The following DAB1 variants were observed in gnomAD, a reference collection of about 807,000 sequenced individuals.
The protein encoded by DAB1 is disabled homolog 1.
DAB1 carries 15 observed loss-of-function variants against 64.6 expected under a neutral mutation model. The ratio of observed to expected loss-of-function variants is 0.23; its 90% CI spans 0.16 to 0.36. The LOEUF (loss-of-function observed/expected upper bound fraction) is 0.36, where lower values mean the gene tolerates loss of function less well. Among genes scored for constraint, DAB1 ranks in the 10% least tolerant of loss-of-function variants. DAB1 has a pLI of 1.00. For synonymous variants in DAB1, 235 were observed against 251.9 expected, an observed-to-expected ratio of 0.93 and a Z score of 0.64; for missense variants, 596 against 706.7, an observed-to-expected ratio of 0.84 and a Z score of 1.78.
At chr1:57,560,821 T>C (rs1180264005) in intron 7 of DAB1, among the ~76,000 whole-genome samples, 1 of 152,248 alleles carries the variant, frequency 6.6e-6, no homozygotes, top group Non-Finnish European at 1.5e-5. Flanking sequence ...TCTAGGATTT[T>C]GGAGCAAGGC....
intron 6 of DAB1, among the ~76,000 whole-genome samples, chr1:57,683,147 A>G (rs956751113): frequency 6.6e-6 from 1 of 152,156 alleles, no homozygotes; most frequent in Non-Finnish European, 1.5e-5. Context: ...GCAGAGGAGG[A>G]GCCCCTACTC....
intron 7 of DAB1, among the ~76,000 whole-genome samples, chr1:57,451,451 T>A (rs866779761): frequency 3.9e-5 from 6 of 152,228 alleles, no homozygotes; most frequent in Middle Eastern, 3.2e-3. Context: ...TTTTATTTTT[T>A]AAAATTACCT....
At chr1:57,287,620 T>C (rs17115509) in intron 2 of DAB1, among the ~76,000 whole-genome samples, 2,421 of 152,290 alleles carry the variant, frequency 0.016, 57 homozygotes, top group African/African-American at 0.056. Context: ...GACATGGTTA[T>C]ATTCAAAATT....
At chr1:58,025,645 ATGTG>A (rs1208743202) in intron 5 of DAB1, among the ~76,000 whole-genome samples, 2 of 79,304 alleles carry the variant, frequency 2.5e-5, no homozygotes, top group African/African-American at 4.1e-5. Flanking sequence ...TTATATATAT[ATGTG>A]TGTATATATA....
intron 5 of DAB1, among the ~76,000 whole-genome samples, chr1:57,939,419 T>A (rs1163420962): frequency 6.6e-6 from 1 of 152,194 alleles, no homozygotes; most frequent in Non-Finnish European, 1.5e-5. Flanking sequence ...GAGCTAGATG[T>A]ATATTTAGGT....
At chr1:57,760,030 G>A (rs543268536) in intron 6 of DAB1, among the ~76,000 whole-genome samples, 1 of 152,210 alleles carries the variant, frequency 6.6e-6, no homozygotes, top group African/African-American at 2.4e-5. Flanking sequence ...AATAGAAGAG[G>A]AACGGAAGGA....
chr1:57,423,402 G>A (rs1017260253), intron 1 of DAB1, among the ~76,000 whole-genome samples: 2 of 152,034 alleles, frequency 1.3e-5, no homozygotes, highest in African/African-American at 4.8e-5. Flanking sequence ...GGATAGAGTC[G>A]GTTTTTCGAG....
At chr1:57,984,246 AAGAAAGAAAGAAAG>A (rs1044457712) in intron 5 of DAB1, among the ~76,000 whole-genome samples, 2 of 149,206 alleles carry the variant, frequency 1.3e-5, no homozygotes, top group African/African-American at 5.0e-5. Flanking sequence ...GAAAGAAAGA[AAGAAAGAAAGAAAG>A]AAAAAAAATT....
At chr1:57,313,806 G>A (rs1674946339) in intron 1 of DAB1, among the ~76,000 whole-genome samples, 2 of 152,168 alleles carry the variant, frequency 1.3e-5, no homozygotes, top group South Asian at 4.1e-4. Context: ...TCCCTAGGAT[G>A]ATGGAATTTG....
At chr1:57,989,351 A>G (rs377173603) in intron 5 of DAB1, among the ~76,000 whole-genome samples, 1 of 152,154 alleles carries the variant, frequency 6.6e-6, no homozygotes, top group Non-Finnish European at 1.5e-5. Context: ...AACACATGAA[A>G]TACTCACATT....
intron 5 of DAB1, among the ~76,000 whole-genome samples, chr1:57,998,389 C>CTTTT (rs3991037): frequency 7.8e-6 from 1 of 128,800 alleles, no homozygotes; most frequent in Non-Finnish European, 1.6e-5. Flanking sequence ...TTTTTTCTCT[C>CTTTT]TTTTTTTTTT....
At chr1:57,055,108 C>A (rs1332242127) in intron 9 of DAB1, among the ~76,000 whole-genome samples, 1 of 152,218 alleles carries the variant, frequency 6.6e-6, no homozygotes, top group East Asian at 1.9e-4. Flanking sequence ...AGCATTTATG[C>A]TGTTGGATTT....
At chr1:57,596,598 G>T (rs1645513145) in intron 7 of DAB1, among the ~76,000 whole-genome samples, 1 of 151,876 alleles carries the variant, frequency 6.6e-6, no homozygotes, top group South Asian at 2.1e-4. Context: ...ACTGGGATGT[G>T]GTCTGTCTTC....
chr1:57,189,747 G>T lies in DAB1; in HGVS notation c.68-44318C>A, dbSNP rs184337356. Among the ~76,000 whole-genome samples the T allele has an allele frequency of 1.9e-3, 288 of 151,826 alleles. 1 individual carries two copies. The highest frequency in any genetic ancestry group is 3.3e-3 in the Non-Finnish European group (226 of 67,966). On this transcript the variant is annotated intron_variant, in intron 2 of 14. Coordinates refer to ENST00000371236, the MANE Select transcript of DAB1 (RefSeq NM_001365792.1). ...AGGCCTTCCAAGGAGGTAAACAGGA[G>T]CATCCATTAAAAAGACAGGCAGGCT... is the stretch of plus-strand genomic sequence containing the variant.
chr1:58,145,042 T>C (rs1243433427), intron 5 of DAB1, among the ~76,000 whole-genome samples: 3 of 152,230 alleles, frequency 2.0e-5, no homozygotes, highest in Non-Finnish European at 4.4e-5. Flanking sequence ...GGGCTGCAGA[T>C]GGGTCTGTGT....
Position 57,570,558 on chromosome 1 carries a change from G to T in DAB1, n.625+79034C>A, listed in dbSNP as rs184463290. Among the ~76,000 whole-genome samples the T allele has an allele frequency of 1.3e-4, 20 of 152,190 alleles. No homozygotes were observed. In the East Asian group the frequency reaches 2.9e-3, roughly 22 times the overall value. ...ATGCCTATTTTTATACCAGTACCAT[G>T]CTGTTTTGGTGACTATTGCCTTACA... On this transcript the variant is annotated intron_variant and non_coding_transcript_variant, in intron 7 of 20. Transcript: ENST00000485760.
chr1:57,290,937 T>C, intron 2 of DAB1, 27 bp downstream of exon 2: 2 of 1,566,638 alleles, frequency 1.3e-6, no homozygotes, highest in African/African-American at 1.4e-5. Flanking sequence ...AAAGTAGCCA[T>C]TAAAAAAAGG....
At chr1:58,074,564 G>GTATATATATATATATA (rs375821412) in intron 5 of DAB1, 103 of 91,606 alleles carry the variant, frequency 1.1e-3, no homozygotes, top group African/African-American at 3.8e-3. Flanking sequence ...ATATATGTGT[G>GTATATATATATATATA]TATATATATA....
rs1467850163 is a variant in DAB1, at chr1:57,015,177, G to A, written c.1150C>T (p.Leu384Phe). The change falls in exon 12 of 15, where the codon CTC becomes TTC. Residue 384 changes from leucine (L) to phenylalanine (F), a missense_variant. Around this residue, in one of 3 missense-constraint regions of DAB1, gnomAD observed 377 missense variants for 400.4 expected, o/e 0.94. Coordinates refer to ENST00000371236, the MANE Select transcript of DAB1 (RefSeq NM_001365792.1). ...PLPAAMFQGP[L>F]TPLATVPGTS... ...CCTGGGACGGTGGCAAGGGGGGTGA[G>A]GGGACCTTGGAACATGGCAGCTGGC... The A allele has an allele frequency of 3.7e-6, 6 of 1,613,990 alleles. No individual in the cohort carries two copies. Among genetic ancestry groups the A allele is most frequent in the East Asian group, 2.2e-5 (1 of 44,880 alleles).
Sources: allele counts gnomAD v4.1 joint callset (sites outside exome capture counted in the v4.1 genomes callset), GRCh38; gene constraint gnomAD v4.1.1; regional missense constraint gnomAD v4.1.1; transcripts MANE v1.5; gene names NCBI Gene and HGNC (gene_info 2026-07-23, HGNC 2026-07-21).